Variants in RANBP2 observed in about 807,000 individuals in gnomAD.
The protein encoded by RANBP2 is E3 SUMO-protein ligase RanBP2.
Under a neutral mutation model 303.6 loss-of-function variants are expected in RANBP2, and 57 were observed. That is an observed-to-expected ratio of 0.19 (90% CI 0.15 to 0.23). RANBP2 has a LOEUF of 0.23. Among genes scored for constraint, RANBP2 ranks in the 10% least tolerant of loss-of-function variants. The pLI is 1.00. For missense variants in RANBP2, 3,138 were observed against 3,780.8 expected (o/e 0.83, Z 4.46); for synonymous variants, 1,167 against 1,301.5 (o/e 0.90, Z 2.23).
At chr2:109,626,057 G>T in the RANBP2 span, among the ~76,000 whole-genome samples, 1 of 152,182 alleles carries the variant, frequency 6.6e-6, no homozygotes, top group Non-Finnish European at 1.5e-5. Flanking sequence ...TAGAAATATG[G>T]TATAAGGGGA....
At chr2:109,321,125 C>G in the RANBP2 span, among the ~76,000 whole-genome samples, 11 of 152,328 alleles carry the variant, frequency 7.2e-5, no homozygotes, top group East Asian at 1.9e-3. Context: ...GAAAGACTCA[C>G]GGACACACAA....
chr2:108,742,958 T>C (rs947667766), intron 7 of RANBP2, among the ~76,000 whole-genome samples: 5 of 151,698 alleles, frequency 3.3e-5, no homozygotes, highest in African/African-American at 1.2e-4. Flanking sequence ...CCAGCTAATT[T>C]TTTTGTATTT....
the RANBP2 span, among the ~76,000 whole-genome samples, chr2:109,024,079 C>T: frequency 6.6e-6 from 1 of 152,150 alleles, no homozygotes; most frequent in African/African-American, 2.4e-5. Context: ...GCATGCACCA[C>T]CACGCCCCGC....
chr2:109,288,868 G>C, the RANBP2 span, among the ~76,000 whole-genome samples: 5 of 152,064 alleles, frequency 3.3e-5, no homozygotes, highest in African/African-American at 1.2e-4. Context: ...AAAACAGATG[G>C]GTGTTCCGTA....
the RANBP2 span, among the ~76,000 whole-genome samples, chr2:109,282,666 G>C: frequency 6.6e-6 from 1 of 152,230 alleles, no homozygotes; most frequent in Non-Finnish European, 1.5e-5. Context: ...TTTGCTTGGA[G>C]CACTTCACTT....
chr2:109,192,786 G>T, the RANBP2 span, among the ~76,000 whole-genome samples: 1 of 152,146 alleles, frequency 6.6e-6, no homozygotes, highest in African/African-American at 2.4e-5. Flanking sequence ...AGTGACAGAC[G>T]AGTTCAGACT....
At chr2:109,370,190 GGTCTCTGTCTCTGTCTCT>G in the RANBP2 span, among the ~76,000 whole-genome samples, 1,770 of 147,312 alleles carry the variant, frequency 0.012, 37 homozygotes, top group African/African-American at 0.038. Context: ...TTGCTGTGGT[GGTCTCTGTCTCTGTCTCT>G]GTCTCTGTCT....
the RANBP2 span, among the ~76,000 whole-genome samples, chr2:109,081,628 T>A: frequency 6.6e-6 from 1 of 152,168 alleles, no homozygotes; most frequent in Admixed American, 6.5e-5. Flanking sequence ...CAACTCCACC[T>A]CTGAACCTCT....
At chr2:108,989,562 C>A in the RANBP2 span, among the ~76,000 whole-genome samples, 1 of 152,138 alleles carries the variant, frequency 6.6e-6, no homozygotes, top group African/African-American at 2.4e-5. Flanking sequence ...TGCCACTGCA[C>A]GGATTCAGCT....
the RANBP2 span, among the ~76,000 whole-genome samples, chr2:109,403,286 C>A: frequency 0.35 from 53,965 of 152,042 alleles, 9,999 homozygotes; most frequent in Non-Finnish European, 0.41. Flanking sequence ...GCCTGTCCCC[C>A]ATCTCTCCTT....
chr2:109,641,049 C>T, the RANBP2 span, among the ~76,000 whole-genome samples: 97 of 152,214 alleles, frequency 6.4e-4, 1 homozygote, highest in Middle Eastern at 0.01. Context: ...ATAATGGCCT[C>T]CAAATATAGA....
At chr2:109,686,168 TG>T in the RANBP2 span, among the ~76,000 whole-genome samples, 2 of 151,894 alleles carry the variant, frequency 1.3e-5, no homozygotes, top group Admixed American at 1.3e-4. Flanking sequence ...TGTGGGGAGC[TG>T]GGAGAAAGGT....
the RANBP2 span, chr2:109,615,419 C>T: frequency 2.5e-6 from 4 of 1,612,982 alleles, no homozygotes; most frequent in Non-Finnish European, 2.5e-6. Flanking sequence ...ACTGGGCCGC[C>T]AAGCACGGCA....
At chr2:109,495,977 C>T in the RANBP2 span, among the ~76,000 whole-genome samples, 1 of 152,226 alleles carries the variant, frequency 6.6e-6, no homozygotes, top group Admixed American at 6.5e-5. Context: ...CGTGGTCTCA[C>T]TGACTTCAAG....
At chr2:109,260,561 T>C in the RANBP2 span, among the ~76,000 whole-genome samples, 1 of 152,184 alleles carries the variant, frequency 6.6e-6, no homozygotes, top group Non-Finnish European at 1.5e-5. Flanking sequence ...ACCTTGGTCA[T>C]AGGCAAGAGG....
At chr2:109,743,379 T>C in the RANBP2 span, among the ~76,000 whole-genome samples, 4 of 148,600 alleles carry the variant, frequency 2.7e-5, no homozygotes, top group East Asian at 3.9e-4. Flanking sequence ...TTTAAAAATA[T>C]AACATAGAAG....
the RANBP2 span, chr2:109,127,636 G>T: frequency 6.6e-6 from 1 of 152,186 alleles, no homozygotes; most frequent in African/African-American, 2.4e-5. Flanking sequence ...CTTGAGCCCA[G>T]GAGTTTGAGA....
the RANBP2 span, among the ~76,000 whole-genome samples, chr2:109,069,953 A>C: frequency 6.6e-6 from 1 of 152,212 alleles, no homozygotes; most frequent in African/African-American, 2.4e-5. Flanking sequence ...GTACTTTCAG[A>C]ATGTAATCAG....
the RANBP2 span, among the ~76,000 whole-genome samples, chr2:109,133,468 G>A: frequency 6.6e-6 from 1 of 152,086 alleles, no homozygotes; most frequent in Non-Finnish European, 1.5e-5. Flanking sequence ...CATTTTTTGA[G>A]TACAGAGCTG....
Sources: allele counts gnomAD v4.1 joint callset (sites outside exome capture counted in the v4.1 genomes callset), GRCh38; gene constraint gnomAD v4.1.1; transcripts MANE v1.5; gene names NCBI Gene and HGNC (gene_info 2026-07-23, HGNC 2026-07-21).